The following GRID2 variants were observed in gnomAD, a reference collection of about 807,000 sequenced individuals.
GRID2 encodes glutamate ionotropic receptor delta type subunit 2.
A neutral mutation model predicts 114.8 loss-of-function variants in GRID2; 33 were observed. The ratio of observed to expected loss-of-function variants is 0.29; its 90% confidence interval spans 0.22 to 0.38. GRID2 has a LOEUF of 0.38. GRID2 is among the 10% of genes least tolerant of loss of function. The pLI, the probability that GRID2 is intolerant of heterozygous loss-of-function variation, is 1.00. For missense variants in GRID2, 1,184 were observed against 1,257.7 expected, an observed-to-expected ratio of 0.94 and a Z score of 0.89; for synonymous variants, 505 against 449.9, an observed-to-expected ratio of 1.12 and a Z score of -1.55.
At chr4:93,405,572 A>C (rs1766330448) in intron 9 of GRID2, among the ~76,000 whole-genome samples, 1 of 152,156 alleles carries the variant, frequency 6.6e-6, no homozygotes, top group Admixed American at 6.6e-5. Context: ...ACATTTAGAA[A>C]GAGATTGACA....
chr4:92,670,471 G>A (rs1004278407), intron 2 of GRID2, among the ~76,000 whole-genome samples: 2 of 151,826 alleles, frequency 1.3e-5, no homozygotes, highest in African/African-American at 4.8e-5. Context: ...ACTTGGTAAG[G>A]TATTTACTAT....
intron 1 of GRID2, among the ~76,000 whole-genome samples, chr4:92,498,192 T>C (rs190315288): frequency 2.6e-5 from 4 of 151,986 alleles, no homozygotes; most frequent in Non-Finnish European, 5.9e-5. Context: ...TTGTTGTTGC[T>C]TTAAGTATTA....
At chr4:93,270,514 C>T (rs966839134) in intron 8 of GRID2, among the ~76,000 whole-genome samples, 11 of 152,174 alleles carry the variant, frequency 7.2e-5, no homozygotes, top group African/African-American at 2.2e-4. Flanking sequence ...ACGAGTCTTA[C>T]TGTTACAGCA....
chr4:93,098,123 A>G (rs2149336908), intron 3 of GRID2, among the ~76,000 whole-genome samples: 1 of 152,126 alleles, frequency 6.6e-6, no homozygotes, highest in East Asian at 1.9e-4. Context: ...TTGTTGCTGT[A>G]GAGAGATGTG....
Position 92,326,700 on chromosome 4 carries a change from G to A in GRID2, c.88+21956G>A, listed in dbSNP as rs148613377. On this transcript the variant is annotated intron_variant, in intron 1 of 15. Coordinates refer to ENST00000282020, the MANE Select transcript of GRID2 (RefSeq NM_001510.4). ...ACTTTCTAGGCATTATCTCATTAAC[G>A]TGTAGCAATAATCTTAATAATGCTG... Among the ~76,000 whole-genome samples, 85 of 152,010 alleles carry A rather than the reference G, an allele frequency of 5.6e-4. 1 individual carries two copies. The East Asian group carries it at 5.6e-3, about 10-fold the overall frequency.
chr4:92,755,371 G>C (rs2149341707), intron 2 of GRID2, among the ~76,000 whole-genome samples: 1 of 152,256 alleles, frequency 6.6e-6, no homozygotes, highest in Admixed American at 6.5e-5. Context: ...GTATAGATAA[G>C]TAAATAAGCA....
chr4:92,513,590 A>G (rs1303753389), intron 1 of GRID2, among the ~76,000 whole-genome samples: 1 of 151,758 alleles, frequency 6.6e-6, no homozygotes, highest in Non-Finnish European at 1.5e-5. Context: ...ACAATGTAGC[A>G]CTCTTTCCTA....
chr4:93,466,944 T>C (rs1724335865), intron 11 of GRID2, among the ~76,000 whole-genome samples: 1 of 152,204 alleles, frequency 6.6e-6, no homozygotes, highest in African/African-American at 2.4e-5. Context: ...TCTGGTTTCA[T>C]TGTAAACTTA....
intron 2 of GRID2, among the ~76,000 whole-genome samples, chr4:92,638,836 A>G (rs1171574706): frequency 6.6e-6 from 1 of 151,108 alleles, no homozygotes; most frequent in East Asian, 2.0e-4. Flanking sequence ...TGAAATATCT[A>G]ATATCCAAAT....
At chr4:93,018,095 C>T (rs1578763537) in intron 2 of GRID2, among the ~76,000 whole-genome samples, 2 of 150,530 alleles carry the variant, frequency 1.3e-5, no homozygotes. Context: ...TACTTTTTCT[C>T]AAGGAAAGAG....
At chr4:92,783,612 G>A (rs1739185979) in intron 2 of GRID2, among the ~76,000 whole-genome samples, 1 of 152,028 alleles carries the variant, frequency 6.6e-6, no homozygotes, top group South Asian at 2.1e-4. Context: ...GGCCAGAGTT[G>A]GTGGCTTATA....
chr4:93,084,596 G>T (rs1730168172), intron 2 of GRID2, among the ~76,000 whole-genome samples: 1 of 152,044 alleles, frequency 6.6e-6, no homozygotes, highest in Non-Finnish European at 1.5e-5. Flanking sequence ...CTTCAGTAGG[G>T]AATTATCTTT....
At chr4:92,870,853 A>G (rs904697221) in intron 2 of GRID2, among the ~76,000 whole-genome samples, 1 of 152,202 alleles carries the variant, frequency 6.6e-6, no homozygotes, top group African/African-American at 2.4e-5. Flanking sequence ...TTGTGCTTAT[A>G]TATTGTGTTT....
intron 2 of GRID2, among the ~76,000 whole-genome samples, chr4:92,636,665 T>C (rs17019732): frequency 0.22 from 32,716 of 151,824 alleles, 4,777 homozygotes; most frequent in African/African-American, 0.42. Flanking sequence ...AATGGTGACA[T>C]GTCAAAGGTT....
chr4:92,551,334 T>C (rs998235609), intron 1 of GRID2, among the ~76,000 whole-genome samples: 5 of 152,018 alleles, frequency 3.3e-5, no homozygotes, highest in Non-Finnish European at 7.4e-5. Flanking sequence ...GAAATGTTAT[T>C]TTAAGAATTG....
chr4:93,163,019 C>A (rs1405838314), intron 4 of GRID2, among the ~76,000 whole-genome samples: 1 of 151,882 alleles, frequency 6.6e-6, no homozygotes, highest in Non-Finnish European at 1.5e-5. Context: ...CTGTTTTATA[C>A]ATTTACTTTA....
intron 2 of GRID2, among the ~76,000 whole-genome samples, chr4:92,638,859 A>C (rs1579738498): frequency 6.6e-6 from 1 of 151,020 alleles, no homozygotes; most frequent in African/African-American, 2.4e-5. Context: ...TCAATATTTC[A>C]TATGATAGTT....
intron 2 of GRID2, among the ~76,000 whole-genome samples, chr4:93,043,767 G>T (rs1725847744): frequency 6.6e-6 from 1 of 151,776 alleles, no homozygotes; most frequent in Admixed American, 6.6e-5. Flanking sequence ...CTGTCGTGGG[G>T]TGGGGGGAGC....
At chr4:92,746,632 G>A (rs1013103236) in intron 2 of GRID2, among the ~76,000 whole-genome samples, 1 of 152,060 alleles carries the variant, frequency 6.6e-6, no homozygotes, top group African/African-American at 2.4e-5. Context: ...TTTACTTCAT[G>A]TCATCTCTTT....
Sources: gnomAD v4.1 joint callset for allele counts (sites outside exome capture counted in the v4.1 genomes callset) on GRCh38, gnomAD v4.1.1 for gene constraint, MANE v1.5 for transcripts, NCBI Gene and HGNC (gene_info 2026-07-23, HGNC 2026-07-21) for gene names.